FAM204A: variants seen among roughly 807,000 people sequenced by gnomAD.
The protein encoded by FAM204A is protein FAM204A.
Under a neutral mutation model 35.4 loss-of-function variants are expected in FAM204A, and 16 were observed. That is an observed-to-expected ratio of 0.45 (90% CI 0.31 to 0.69). The LOEUF is 0.69. Among genes scored for constraint, FAM204A ranks in the 30% least tolerant of loss-of-function variants. The probability of loss-of-function intolerance (pLI) is 0.07; values close to 1 mark genes in which losing one functional copy is unlikely to be tolerated. For missense variants in FAM204A, 240 were observed against 265.7 expected, an observed-to-expected ratio of 0.90 and a Z score of 0.67; for synonymous variants, 76 against 86.9, an observed-to-expected ratio of 0.88 and a Z score of 0.70.
At chr10:118,336,480 A>G in intron 2 of FAM204A, 57 bp from the exon 3 acceptor site, 2 of 1,458,100 alleles carry the variant, frequency 1.4e-6, no homozygotes. Flanking sequence ...TAATTTTAAG[A>G]CCATTAGAAG....
At chr10:118,334,932 T>A (rs996793040) in intron 6 of FAM204A, among the ~76,000 whole-genome samples, 182 bp downstream of exon 6, 1 of 152,246 alleles carries the variant, frequency 6.6e-6, no homozygotes, top group Non-Finnish European at 1.5e-5. Flanking sequence ...CACAACAACC[T>A]GTTCTTTCTC....
rs978344739 is a variant in FAM204A, at chr10:118,309,025, T to C, written c.*1832A>G. The stretch of plus-strand genomic sequence containing the variant: ...AACCACTGGATTGTATAGTGAATAT[T>C]TCCCCCATAATGGATTTTTAGAGGA... On this transcript the variant is annotated 3_prime_UTR_variant, in exon 9 of 9. Coordinates refer to ENST00000369183, the MANE Select transcript of FAM204A (RefSeq NM_022063.3). 2.0e-5 allele frequency: 3 copies of C among 152,238 alleles called. No individual in the cohort carries two copies. Among genetic ancestry groups the C allele is most frequent in the Non-Finnish European group, 4.4e-5 (3 of 68,050 alleles). 9.4% of individuals were successfully genotyped at this position (152,238 alleles called of 1,614,324 possible). A position where few individuals can be genotyped will look rare whatever the true frequency, so the allele number is the denominator to read the frequency against.
rs141319429 is a variant in FAM204A at position 118,336,374 on chromosome 10, G to A, written c.42C>T (p.Asp14=). ...CTTCATCTTCCGAGTTTGACTCAGC[G>A]TCACTTTCATTTAGGCCAGGAGGTA... ...GLLPPGLNES[D]AESNSEDEAT... Residue 14 remains aspartate, a synonymous_variant, in exon 3 of 9, where the codon GAC becomes GAT. Transcript: ENST00000369183. 60 of 1,613,626 alleles carry A rather than the reference G, an allele frequency of 3.7e-5. No individual in the cohort carries two copies. Among genetic ancestry groups the A allele is most frequent in the Admixed American group, 8.3e-5 (5 of 59,954 alleles).
rs1167082199 is a variant in FAM204A at position 118,309,436 on chromosome 10, T to C, written c.*1421A>G. ...TTCATTTTACATGTTTCTGAATTTA[T>C]ATTATCAACCCAGAGAAAGTTTATA... On this transcript the variant is annotated 3_prime_UTR_variant, in exon 9 of 9. Transcript: ENST00000369183. 1.3e-5 allele frequency: 2 copies of C among 152,232 alleles called. No homozygotes were observed. The highest frequency in any genetic ancestry group is 2.9e-5 in the Non-Finnish European group (2 of 68,042). The allele number at this position is 152,232 out of a possible 1,614,324, so 9.4% of individuals were successfully genotyped here. A position where few individuals can be genotyped will look rare whatever the true frequency, so the allele number is the denominator to read the frequency against.
intron 7 of FAM204A, among the ~76,000 whole-genome samples, chr10:118,325,140 T>A (rs1846178273): frequency 6.6e-6 from 1 of 151,910 alleles, no homozygotes; most frequent in Non-Finnish European, 1.5e-5. Context: ...AAATAAAAAA[T>A]TCACAAGATA....
chr10:118,340,666 G>C (rs1163014331), intron 2 of FAM204A, among the ~76,000 whole-genome samples: 1 of 152,138 alleles, frequency 6.6e-6, no homozygotes, highest in African/African-American at 2.4e-5. Flanking sequence ...AGAAGGGGAA[G>C]GAACCCTAGT....
chr10:118,311,584 T>G (rs2133263856), intron 7 of FAM204A: 1 of 308,892 alleles, frequency 3.2e-6, no homozygotes, highest in East Asian at 6.4e-5. Flanking sequence ...ACAAAGGTAG[T>G]AATGAGGATC....
At chr10:118,341,688 A>G (rs1846485904) in intron 2 of FAM204A, 39 bp downstream of exon 2, 1 of 152,196 alleles carries the variant, frequency 6.6e-6, no homozygotes, top group Admixed American at 6.5e-5. Flanking sequence ...TAACAGTTCA[A>G]GGCTCATTTT....
intron 7 of FAM204A, among the ~76,000 whole-genome samples, chr10:118,314,871 AAATTGGTC>A (rs1220412926): frequency 6.6e-6 from 1 of 152,172 alleles, no homozygotes; most frequent in Admixed American, 6.5e-5. Flanking sequence ...AAAGAACTGC[AAATTGGTC>A]AGAGCATGCA....
At chr10:118,340,483 A>G (rs988668317) in intron 2 of FAM204A, among the ~76,000 whole-genome samples, 5 of 152,210 alleles carry the variant, frequency 3.3e-5, no homozygotes, top group Non-Finnish European at 7.3e-5. Flanking sequence ...TTTTGATATT[A>G]TAAGTGCCCT....
intron 6 of FAM204A, among the ~76,000 whole-genome samples, chr10:118,326,556 T>C (rs1481593051): frequency 6.6e-6 from 1 of 152,096 alleles, no homozygotes; most frequent in Non-Finnish European, 1.5e-5. Flanking sequence ...AATTATGGAG[T>C]GTTTATTACG....
In FAM204A at chr10:118,310,488, C is replaced by CAAAAAAAA. The variant is rs778043354; in HGVS notation, c.*361_*368dup. On this transcript the variant is annotated 3_prime_UTR_variant, in exon 9 of 9. Transcript: ENST00000369183. ...TGACAGAGCAAGCGAGGCTCTGTCT[C>CAAAAAAAA]AAAAAAAAAAAAAAAAAGAAAGAAA... 1.3e-5 allele frequency: 1 copy of CAAAAAAAA among 79,714 alleles called. No individual in the cohort carries two copies. 4.9% of individuals were successfully genotyped at this position (79,714 alleles called of 1,614,324 possible).
intron 7 of FAM204A, among the ~76,000 whole-genome samples, chr10:118,324,272 A>T (rs1846164200): frequency 6.6e-6 from 1 of 152,164 alleles, no homozygotes; most frequent in Admixed American, 6.6e-5. Context: ...GAAAAAAAAC[A>T]AACAGTAAAA....
rs1324407487 is a variant in FAM204A at position 118,310,587 on chromosome 10, A to G, written c.*270T>C. On this transcript the variant is annotated 3_prime_UTR_variant, in exon 9 of 9. Coordinates refer to ENST00000369183, the MANE Select transcript of FAM204A (RefSeq NM_022063.3). ...AAAAGTGATTTTATACCAAGGGTCCATCCATACAAATAAACAAAATCCTAT... is the reference window on the plus strand; with the variant it reads ...AAAAGTGATTTTATACCAAGGGTCCGTCCATACAAATAAACAAAATCCTAT... 2.5e-6 allele frequency: 1 copy of G among 406,660 alleles called. No individual in the cohort carries two copies. Among genetic ancestry groups the G allele is most frequent in the Non-Finnish European group, 4.3e-6 (1 of 232,688 alleles). The allele number at this position is 406,660 out of a possible 1,614,324, so 25.2% of individuals were successfully genotyped here.
chr10:118,334,991 C>T, intron 6 of FAM204A, 123 bp downstream of exon 6: 1 of 641,774 alleles, frequency 1.6e-6, no homozygotes, highest in South Asian at 2.1e-5. Context: ...TATCTAGCAC[C>T]CTTTTTGGTA....
At chr10:118,327,146 C>A (rs1350120667) in intron 6 of FAM204A, among the ~76,000 whole-genome samples, 2 of 152,158 alleles carry the variant, frequency 1.3e-5, no homozygotes, top group African/African-American at 4.8e-5. Context: ...AGTCCTTTAA[C>A]TTCCACATTC....
At chr10:118,323,247 A>G (rs1589724306) in intron 7 of FAM204A, among the ~76,000 whole-genome samples, 1 of 152,124 alleles carries the variant, frequency 6.6e-6, no homozygotes, top group East Asian at 1.9e-4. Flanking sequence ...TAAGAACAAT[A>G]GGGCAGCCAT....
At position 118,317,497 on chromosome 10, in the gene FAM204A, C is replaced by A. The variant is rs529919731; in HGVS notation, c.544-6184G>T. Among the ~76,000 whole-genome samples the A allele has an allele frequency of 5.3e-5, 8 of 151,988 alleles. No individual in the cohort carries two copies. The East Asian group carries it at 1.5e-3, about 29-fold the overall frequency. ...CATTTGAGGTGATCACCCAATCATA[C>A]CCCAAAGGTTAAAAGAAAATATCCT... is the stretch of plus-strand genomic sequence containing the variant. On this transcript the variant is annotated intron_variant, in intron 7 of 8. Transcript: ENST00000369183.
intron 6 of FAM204A, among the ~76,000 whole-genome samples, chr10:118,331,721 C>T (rs1355048885): frequency 1.3e-5 from 2 of 151,788 alleles, no homozygotes; most frequent in African/African-American, 4.8e-5. Flanking sequence ...GTTTGCATTA[C>T]TGAACCTAAA....
Sources: allele counts gnomAD v4.1 joint callset (sites outside exome capture counted in the v4.1 genomes callset), GRCh38; gene constraint gnomAD v4.1.1; transcripts MANE v1.5; gene names NCBI Gene and HGNC (gene_info 2026-07-23, HGNC 2026-07-21).